Variants in MAD1L1 observed in about 807,000 individuals in gnomAD.
MAD1L1 encodes mitotic arrest deficient 1 like 1.
A neutral mutation model predicts 96.9 loss-of-function variants in MAD1L1; 95 were observed. The ratio of observed to expected loss-of-function variants is 0.98; its 90% CI spans 0.83 to 1.16. The LOEUF is 1.16. Among genes scored for constraint, MAD1L1 ranks in the 50% most tolerant of loss-of-function variants. The pLI, the probability that MAD1L1 is intolerant of heterozygous loss-of-function variation, is 0.00. For missense variants in MAD1L1, 1,007 were observed against 954.4 expected (o/e 1.06, Z -0.73); for synonymous variants, 473 against 396.6 (o/e 1.19, Z -2.29).
intron 6 of MAD1L1, among the ~76,000 whole-genome samples, 171 bp from the exon 7 acceptor site, chr7:2,218,214 G>A (rs935719871): frequency 6.6e-6 from 1 of 151,744 alleles, no homozygotes; most frequent in Non-Finnish European, 1.5e-5. Context: ...ACACTCCACT[G>A]CATGGGTACC....
chr7:1,998,810 C>T (rs1781668896), intron 14 of MAD1L1, among the ~76,000 whole-genome samples: 1 of 148,286 alleles, frequency 6.7e-6, no homozygotes, highest in Non-Finnish European at 1.5e-5. Flanking sequence ...CTCAGGGGAA[C>T]CAGACCCCAC....
intron 11 of MAD1L1, among the ~76,000 whole-genome samples, chr7:2,118,821 G>C (rs562472069): frequency 6.6e-6 from 1 of 152,190 alleles, no homozygotes; most frequent in Non-Finnish European, 1.5e-5. Context: ...CATTTCACAG[G>C]TGACGTGAGG....
chr7:2,221,440 A>G (rs1584586776), intron 5 of MAD1L1, among the ~76,000 whole-genome samples: 1 of 152,132 alleles, frequency 6.6e-6, no homozygotes, highest in African/African-American at 2.4e-5. Context: ...GCACGGCCAC[A>G]GGAAGGACCC....
intron 14 of MAD1L1, among the ~76,000 whole-genome samples, chr7:1,989,468 C>A (rs1781305406): frequency 6.6e-6 from 1 of 152,254 alleles, no homozygotes; most frequent in Admixed American, 6.5e-5. Flanking sequence ...GAGAGGGGAG[C>A]AGAAAGCCAG....
intron 18 of MAD1L1, chr7:1,846,982 T>A: frequency 3.1e-6 from 1 of 327,860 alleles, no homozygotes; most frequent in Non-Finnish European, 5.9e-6. Flanking sequence ...TGCTGATGGC[T>A]CCGCGTTTTC....
intron 18 of MAD1L1, among the ~76,000 whole-genome samples, chr7:1,818,641 C>G (rs1403790246): frequency 6.6e-6 from 1 of 151,914 alleles, no homozygotes; most frequent in South Asian, 2.1e-4. Flanking sequence ...CCTGGCCTGA[C>G]GTGATCCTCC....
chr7:1,845,403 A>G (rs1783542822), intron 18 of MAD1L1: 1 of 152,252 alleles, frequency 6.6e-6, no homozygotes, highest in Non-Finnish European at 1.5e-5. Context: ...CAGCTCGGAA[A>G]CAAGCAGACA....
intron 11 of MAD1L1, among the ~76,000 whole-genome samples, chr7:2,098,984 G>A (rs1267714505): frequency 1.3e-5 from 2 of 152,224 alleles, no homozygotes; most frequent in Non-Finnish European, 2.9e-5. Flanking sequence ...ACAACAGGAA[G>A]GTGCCGGAAT....
intron 18 of MAD1L1, 82 bp downstream of exon 18, chr7:1,898,118 T>C: frequency 1.4e-6 from 2 of 1,439,626 alleles, no homozygotes; most frequent in African/African-American, 1.4e-5. Flanking sequence ...GGCTGCTCCT[T>C]TGCTGAGGGC....
At chr7:1,992,423 T>C (rs536278709) in intron 14 of MAD1L1, among the ~76,000 whole-genome samples, 3 of 152,300 alleles carry the variant, frequency 2.0e-5, no homozygotes, top group Non-Finnish European at 4.4e-5. Context: ...AGATGGCAAC[T>C]GCTCTCTGGA....
At chr7:2,075,017 C>T (rs1044901066) in intron 11 of MAD1L1, among the ~76,000 whole-genome samples, 6 of 152,178 alleles carry the variant, frequency 3.9e-5, no homozygotes, top group African/African-American at 9.7e-5. Flanking sequence ...AAACCAGGAA[C>T]GGCCTCTGCA....
At chr7:2,046,152 G>T (rs898240523) in intron 12 of MAD1L1, among the ~76,000 whole-genome samples, 1 of 152,166 alleles carries the variant, frequency 6.6e-6, no homozygotes, top group Non-Finnish European at 1.5e-5. Context: ...GGGTGGTGGC[G>T]CAGGCCCCAC....
chr7:1,978,457 C>T (rs1780746776), intron 15 of MAD1L1, among the ~76,000 whole-genome samples: 1 of 152,192 alleles, frequency 6.6e-6, no homozygotes, highest in Non-Finnish European at 1.5e-5. Context: ...TGGGGACGGC[C>T]CCTCTGCCAC....
intron 12 of MAD1L1, among the ~76,000 whole-genome samples, chr7:2,033,239 G>A (rs866741816): frequency 6.6e-5 from 10 of 152,300 alleles, no homozygotes; most frequent in African/African-American, 1.7e-4. Context: ...TGTGAGTAAC[G>A]CACCCCGGGG....
intron 11 of MAD1L1, among the ~76,000 whole-genome samples, chr7:2,099,218 C>T (rs1389297941): frequency 1.3e-5 from 2 of 152,230 alleles, no homozygotes; most frequent in African/African-American, 4.8e-5. Flanking sequence ...ACCGCCAGGT[C>T]AACATGCAGC....
intron 12 of MAD1L1, among the ~76,000 whole-genome samples, chr7:2,041,365 G>A (rs777793561): frequency 2.7e-5 from 4 of 147,598 alleles, no homozygotes; most frequent in Non-Finnish European, 6.1e-5. Context: ...CTGTCTCCTA[G>A]TCTGGGGCTG....
At chr7:1,887,428 C>T (rs566090971) in intron 18 of MAD1L1, among the ~76,000 whole-genome samples, 29 of 123,474 alleles carry the variant, frequency 2.3e-4, no homozygotes, top group South Asian at 5.5e-4. Context: ...TGTGTGCATG[C>T]GTGCATGTGG....
At chr7:2,006,077 C>G (rs1045348213) in intron 13 of MAD1L1, among the ~76,000 whole-genome samples, 2 of 151,814 alleles carry the variant, frequency 1.3e-5, no homozygotes, top group African/African-American at 4.8e-5. Context: ...TATAGACATT[C>G]TACAGCACAA....
intron 12 of MAD1L1, among the ~76,000 whole-genome samples, chr7:2,064,911 G>A (rs1222407880): frequency 2.0e-5 from 3 of 152,078 alleles, no homozygotes; most frequent in Non-Finnish European, 4.4e-5. Flanking sequence ...CTCATGGGAG[G>A]ACAGAGGCTT....
Sources: allele counts gnomAD v4.1 joint callset (sites outside exome capture counted in the v4.1 genomes callset), GRCh38; gene constraint gnomAD v4.1.1; transcripts MANE v1.5; gene names NCBI Gene and HGNC (gene_info 2026-07-23, HGNC 2026-07-21).